CELF1: variants seen among roughly 807,000 people sequenced by gnomAD.
The protein encoded by CELF1 is 50 kDa nuclear polyadenylated RNA-binding protein.
A neutral mutation model predicts 61.8 loss-of-function variants in CELF1; 10 were observed. That is an observed-to-expected ratio of 0.16 (90% CI 0.10 to 0.27). The LOEUF (loss-of-function observed/expected upper bound fraction) is 0.27. Among genes scored for constraint, CELF1 ranks in the 10% least tolerant of loss-of-function variants. The probability of loss-of-function intolerance (pLI) is 1.00; values close to 1 mark genes in which losing one functional copy is unlikely to be tolerated. For missense variants in CELF1, 380 were observed against 639.1 expected, an observed-to-expected ratio of 0.59 and a Z score of 4.37; for synonymous variants, 236 against 225.1, an observed-to-expected ratio of 1.05 and a Z score of -0.43.
intron 13 of CELF1, among the ~76,000 whole-genome samples, chr11:47,474,961 A>G (rs1336316261): frequency 1.3e-5 from 2 of 152,214 alleles, no homozygotes; most frequent in African/African-American, 2.4e-5. Flanking sequence ...TGATATAGCT[A>G]AAAGGGACAC....
chr11:47,509,272 C>G (rs2094848456), intron 1 of CELF1, among the ~76,000 whole-genome samples: 1 of 152,144 alleles, frequency 6.6e-6, no homozygotes, highest in African/African-American at 2.4e-5. Context: ...AAAGCCTGAA[C>G]TGTTTGTACT....
chr11:47,541,779 AAC>A (rs1469288748), intron 1 of CELF1, among the ~76,000 whole-genome samples: 4 of 15,838 alleles, frequency 2.5e-4, no homozygotes, highest in African/African-American at 5.7e-4. Context: ...CGAAAGAAAG[AAC>A]GAAAGAAAGA....
chr11:47,553,960 A>G (rs1470042471), upstream of CELF1, among the ~76,000 whole-genome samples: 1 of 152,088 alleles, frequency 6.6e-6, no homozygotes, highest in African/African-American at 2.4e-5. Context: ...CCTAGGTTCC[A>G]GACCTTGTGA....
chr11:47,549,477 G>A (rs2097076998), intron 1 of CELF1, among the ~76,000 whole-genome samples: 1 of 152,110 alleles, frequency 6.6e-6, no homozygotes, highest in African/African-American at 2.4e-5. Flanking sequence ...TATACACAAT[G>A]GAGTATTAGC....
rs907026128 is a variant in CELF1 at position 47,469,897 on chromosome 11, AGAG to A, written c.*2330_*2332del. ...ATAATGGTGAGATGGGGGAAGGCGG[AGAG>A]AAGAAGGGGATGTGGGAAGGGAGTG... On this transcript the variant is annotated 3_prime_UTR_variant, in exon 15 of 15. Coordinates refer to ENST00000687097, the MANE Select transcript of CELF1 (RefSeq NM_001376376.1). The A allele has an allele frequency of 3.3e-5, 5 of 152,378 alleles. No individual in the cohort carries two copies. Among genetic ancestry groups the A allele is most frequent in the African/African-American group, 1.2e-4 (5 of 41,458 alleles). 9.4% of individuals were successfully genotyped at this position (152,378 alleles called of 1,614,324 possible).
chr11:47,481,928 C>T (rs557281338), intron 9 of CELF1, among the ~76,000 whole-genome samples: 2 of 152,298 alleles, frequency 1.3e-5, no homozygotes, highest in East Asian at 1.9e-4. Flanking sequence ...CTCCGCCAGG[C>T]GCAGTGGCTC....
At chr11:47,493,318 C>T (rs1236152195) in intron 3 of CELF1, among the ~76,000 whole-genome samples, 6 of 139,022 alleles carry the variant, frequency 4.3e-5, no homozygotes, top group Non-Finnish European at 9.1e-5. Context: ...CTGAACAACA[C>T]GGTGAAACCC....
At position 47,471,045 on chromosome 11, in the gene CELF1, G is replaced by A. The variant is rs2077586959; in HGVS notation, c.*1185C>T. 1 of 152,200 alleles carries A rather than the reference G, an allele frequency of 6.6e-6. No homozygotes were observed. Among genetic ancestry groups the A allele is most frequent in the South Asian group, 2.1e-4 (1 of 4,834 alleles). 9.4% of individuals were successfully genotyped at this position (152,200 alleles called of 1,614,324 possible). On this transcript the variant is annotated 3_prime_UTR_variant, in exon 15 of 15. Transcript: ENST00000687097. ...AAATGTGACTGGAGTGGTTACAGGA[G>A]GGGCCTGCCAGACCCCTGTGGGAAT...
rs770434027 is a variant in CELF1 at position 47,488,918 on chromosome 11, G to T, written c.178C>A (p.Arg60=). 6.2e-7 allele frequency: 1 copy of T among 1,612,886 alleles called. No individual in the cohort carries two copies. The highest frequency in any genetic ancestry group is 8.5e-7 in the Non-Finnish European group (1 of 1,179,642). Residue 60 remains arginine (R), a synonymous_variant, in exon 4 of 15, where the codon CGG becomes AGG. Coordinates refer to ENST00000687097, the MANE Select transcript of CELF1 (RefSeq NM_001376376.1). ...VPRTWSEKDL[R]ELFEQYGAVY... ...GCACCATACTGTTCGAAGAGTTCCC[G>T]CAAGTCCTTTTCAGACCAGGTCCTT...
In CELF1 at chr11:47,529,814, T is replaced by TA. The variant is rs545356795; in HGVS notation, c.-154+23177dup. Among the ~76,000 whole-genome samples, 36 of 146,716 alleles carry TA rather than the reference T, an allele frequency of 2.5e-4. No individual in the cohort carries two copies. In the South Asian group the frequency reaches 3.5e-3, roughly 14 times the overall value. On this transcript the variant is annotated intron_variant, in intron 1 of 14. Transcript: ENST00000687097. Reference sequence around the variant, plus strand: ...CCAGCCTGAGCAACAGGGTAAGACTTAAAAAAAAAAGAGAGACAAATACTT... The same window carrying TA: ...CCAGCCTGAGCAACAGGGTAAGACTTAAAAAAAAAAAGAGAGACAAATACTT...
intron 3 of CELF1, chr11:47,494,353 T>A: frequency 1.0e-6 from 1 of 979,678 alleles, no homozygotes; most frequent in Non-Finnish European, 1.2e-6. Context: ...TTACTCTCAT[T>A]GTTGCTTCTG....
intron 1 of CELF1, among the ~76,000 whole-genome samples, chr11:47,542,881 C>A (rs1347654473): frequency 6.6e-6 from 1 of 152,080 alleles, no homozygotes; most frequent in Non-Finnish European, 1.5e-5. Context: ...ACCTGTAATC[C>A]CAACACTTTG....
At chr11:47,481,106 T>TC in intron 9 of CELF1, among the ~76,000 whole-genome samples, 1 of 115,188 alleles carries the variant, frequency 8.7e-6, no homozygotes, top group Non-Finnish European at 1.8e-5. Context: ...CTTCTTCTTT[T>TC]TTTTTTTTTT....
chr11:47,487,777 G>T (rs2088452420), intron 4 of CELF1, among the ~76,000 whole-genome samples: 1 of 152,040 alleles, frequency 6.6e-6, no homozygotes. Context: ...TTGGACTCTT[G>T]GTTCTCATCA....
rs147018991 is a variant in CELF1, at chr11:47,509,244, G to C, written c.-153-8312C>G. Among the ~76,000 whole-genome samples, 460 of 152,252 alleles carry C rather than the reference G, an allele frequency of 3.0e-3. 3 individuals are homozygous for C. The highest frequency in any genetic ancestry group is 0.014 in the Middle Eastern group (4 of 294). On this transcript the variant is annotated intron_variant, in intron 1 of 14. Coordinates refer to ENST00000687097, the MANE Select transcript of CELF1 (RefSeq NM_001376376.1). Reference sequence around the variant, plus strand: ...CCTTTCATTTCTGTGGGGAACCAAAGGGCACATGCTCTGTGAGAAAGCCTG... The same window carrying C: ...CCTTTCATTTCTGTGGGGAACCAAACGGCACATGCTCTGTGAGAAAGCCTG...
At chr11:47,543,013 G>A (rs1412546281) in intron 1 of CELF1, among the ~76,000 whole-genome samples, 1 of 152,016 alleles carries the variant, frequency 6.6e-6, no homozygotes, top group Non-Finnish European at 1.5e-5. Flanking sequence ...CCAGCTACTC[G>A]GAAAGCTGAG....
In CELF1 at chr11:47,558,778, AAT is replaced by A. The variant is rs61362662; in HGVS notation, c.-11+5571_-11+5572del. Among the ~76,000 whole-genome samples the A allele has an allele frequency of 9.0e-3, 1,067 of 117,916 alleles. 16 individuals are homozygous for A. Among genetic ancestry groups the A allele is most frequent in the African/African-American group, 0.028 (853 of 30,230 alleles). 77.4% of individuals were successfully genotyped at this position (117,916 alleles called of 152,430 possible). On this transcript the variant is annotated intron_variant, in intron 2 of 3. Coordinates refer to the CELF1 transcript ENST00000525841. ...ATATAATATATATAATTGTATATATAATATATATATAATATATATTGCAGCCA... is the reference window on the plus strand; with the variant it reads ...ATATAATATATATAATTGTATATATAATATATATAATATATATTGCAGCCA...
At chr11:47,499,191 A>T (rs1450627289) in intron 3 of CELF1, among the ~76,000 whole-genome samples, 2 of 152,218 alleles carry the variant, frequency 1.3e-5, no homozygotes, top group African/African-American at 4.8e-5. Context: ...AGCTTAAAGG[A>T]ATTGGAGCTA....
At chr11:47,514,692 CAAAAAA>C (rs34636337) in intron 1 of CELF1, among the ~76,000 whole-genome samples, 5 of 106,100 alleles carry the variant, frequency 4.7e-5, no homozygotes, top group African/African-American at 1.2e-4. Context: ...CCTATCTCTA[CAAAAAA>C]AAAAAAAAAA....
Sources: gnomAD v4.1 joint callset for allele counts (sites outside exome capture counted in the v4.1 genomes callset) on GRCh38, gnomAD v4.1.1 for gene constraint, MANE v1.5 for transcripts, NCBI Gene and HGNC (gene_info 2026-07-23, HGNC 2026-07-21) for gene names.